TTLL11: variants seen among roughly 807,000 people sequenced by gnomAD.
TTLL11 encodes tubulin tyrosine ligase like 11, also known as tubulin polyglutamylase TTLL11.
TTLL11 carries 42 observed loss-of-function variants against 51.7 expected under a neutral mutation model. The observed-to-expected ratio is 0.81, with a 90% confidence interval of 0.64 to 1.05. The LOEUF is 1.05. TTLL11 is among the 50% of genes least tolerant of loss of function. The pLI is 0.00. For synonymous variants in TTLL11, 381 were observed against 383.5 expected, an observed-to-expected ratio of 0.99 and a Z score of 0.08; for missense variants, 799 against 940.4, an observed-to-expected ratio of 0.85 and a Z score of 1.97.
chr9:121,982,582 C>T (rs928278278), intron 4 of TTLL11, among the ~76,000 whole-genome samples: 5 of 151,906 alleles, frequency 3.3e-5, no homozygotes, highest in Non-Finnish European at 5.9e-5. Context: ...ATTCTCTGGG[C>T]GTGGTGGCGG....
chr9:121,981,981 G>C (rs1842839414), intron 4 of TTLL11, among the ~76,000 whole-genome samples: 1 of 152,002 alleles, frequency 6.6e-6, no homozygotes, highest in Non-Finnish European at 1.5e-5. Context: ...GCATGGCCTA[G>C]GACTCAGCAG....
chr9:122,065,201 A>G (rs1160286379), intron 1 of TTLL11, among the ~76,000 whole-genome samples: 1 of 152,246 alleles, frequency 6.6e-6, no homozygotes, highest in Non-Finnish European at 1.5e-5. Flanking sequence ...TTATGGCTCC[A>G]GGAAACCTAA....
intron 8 of TTLL11, among the ~76,000 whole-genome samples, chr9:121,826,539 A>G (rs183949142): frequency 0.083 from 4,358 of 52,222 alleles, 588 homozygotes; most frequent in African/African-American, 0.31. Context: ...GTGTGTGTGT[A>G]TATATATATA....
intron 8 of TTLL11, among the ~76,000 whole-genome samples, chr9:121,828,809 C>T (rs374516108): frequency 4.3e-4 from 65 of 152,034 alleles, no homozygotes; most frequent in Middle Eastern, 3.4e-3. Context: ...ATACCTAAAA[C>T]CTTACAGAGG....
chr9:121,917,609 GAGGGAGGGAAGGGGAGGGA>G (rs1840385034), intron 6 of TTLL11, among the ~76,000 whole-genome samples: 1 of 142,856 alleles, frequency 7.0e-6, no homozygotes, highest in African/African-American at 2.6e-5. Context: ...AGAAGGAAGG[GAGGGAGGGAAGGGGAGGGA>G]AGGGAGGGAA....
intron 6 of TTLL11, among the ~76,000 whole-genome samples, chr9:121,893,919 G>A (rs1429325696): frequency 1.3e-5 from 2 of 152,190 alleles, no homozygotes; most frequent in African/African-American, 2.4e-5. Context: ...TGAGAAAAAT[G>A]TAAGTATCAT....
At chr9:122,041,388 C>T (rs1225174855) in intron 1 of TTLL11, among the ~76,000 whole-genome samples, 2 of 152,172 alleles carry the variant, frequency 1.3e-5, no homozygotes, top group Non-Finnish European at 2.9e-5. Flanking sequence ...AAGATGCCCA[C>T]TTTTATTTTA....
At chr9:122,002,364 G>C (rs570968438) in intron 3 of TTLL11, among the ~76,000 whole-genome samples, 5 of 152,118 alleles carry the variant, frequency 3.3e-5, no homozygotes, top group African/African-American at 1.2e-4. Flanking sequence ...CGACCACAAC[G>C]GTCTTAGGAC....
intron 6 of TTLL11, among the ~76,000 whole-genome samples, chr9:121,891,293 T>C (rs1163370468): frequency 1.3e-5 from 2 of 152,172 alleles, no homozygotes; most frequent in Non-Finnish European, 2.9e-5. Context: ...TGCTTCAACC[T>C]GAAACAATGG....
intron 8 of TTLL11, 40 bp downstream of exon 8, chr9:121,860,297 A>G: frequency 2.7e-6 from 4 of 1,467,736 alleles, no homozygotes; most frequent in Non-Finnish European, 2.8e-6. Context: ...CATGCCTGTC[A>G]GGACCCCCAC....
At chr9:122,078,328 G>A (rs1845911846) in intron 1 of TTLL11, among the ~76,000 whole-genome samples, 1 of 152,116 alleles carries the variant, frequency 6.6e-6, no homozygotes, top group African/African-American at 2.4e-5. Flanking sequence ...CCCAAGGAAG[G>A]GGACTTAGCC....
At chr9:121,956,985 A>G (rs987926766) in intron 6 of TTLL11, among the ~76,000 whole-genome samples, 1 of 152,130 alleles carries the variant, frequency 6.6e-6, no homozygotes, top group South Asian at 2.1e-4. Flanking sequence ...GCCCCAGAAG[A>G]AGGGGAGTCT....
intron 7 of TTLL11, among the ~76,000 whole-genome samples, chr9:121,862,666 C>T (rs1208658810): frequency 2.0e-5 from 3 of 152,206 alleles, no homozygotes; most frequent in East Asian, 1.9e-4. Flanking sequence ...TGGACAGGAT[C>T]GTGCTGGGAG....
intron 8 of TTLL11, among the ~76,000 whole-genome samples, chr9:121,839,950 A>G (rs1837301750): frequency 6.6e-6 from 1 of 152,216 alleles, no homozygotes; most frequent in Non-Finnish European, 1.5e-5. Flanking sequence ...AAGACAGAGC[A>G]GTGGGTTTCA....
rs146087337 is a variant in TTLL11, at chr9:121,877,458, T to C, written c.1482-6710A>G. Among the ~76,000 whole-genome samples, 308 of 152,084 alleles carry C rather than the reference T, an allele frequency of 2.0e-3. 4 individuals are homozygous for C. Among genetic ancestry groups the C allele is most frequent in the African/African-American group, 7.2e-3 (297 of 41,492 alleles). Reference sequence around the variant, plus strand: ...CTTCCACAGTGACAAGGAAAGGACTTAACGAGAGAGCTCTGTCTGCCATCC... The same window carrying C: ...CTTCCACAGTGACAAGGAAAGGACTCAACGAGAGAGCTCTGTCTGCCATCC... On this transcript the variant is annotated intron_variant, in intron 6 of 8. Transcript: ENST00000321582.
chr9:121,944,139 AT>A (rs984291325), intron 6 of TTLL11, among the ~76,000 whole-genome samples: 1 of 152,248 alleles, frequency 6.6e-6, no homozygotes, highest in Non-Finnish European at 1.5e-5. Context: ...TGCACCATGA[AT>A]AATCATTGAA....
intron 1 of TTLL11, 124 bp downstream of exon 1, chr9:122,092,563 C>G: frequency 1.4e-6 from 2 of 1,450,974 alleles, no homozygotes; most frequent in Non-Finnish European, 1.8e-6. Context: ...CAAGCAGGCC[C>G]GAGCGTGGTG....
At chr9:122,049,581 A>T (rs1418577754) in intron 1 of TTLL11, among the ~76,000 whole-genome samples, 1 of 152,224 alleles carries the variant, frequency 6.6e-6, no homozygotes, top group East Asian at 1.9e-4. Context: ...CCCAGAGTAT[A>T]CACCTGGATG....
At chr9:121,830,881 T>A (rs745958457) in intron 8 of TTLL11, among the ~76,000 whole-genome samples, 1 of 152,154 alleles carries the variant, frequency 6.6e-6, no homozygotes, top group African/African-American at 2.4e-5. Context: ...TGAAGTGACA[T>A]GTCACTGTGG....
Sources: gnomAD v4.1 joint callset for allele counts (sites outside exome capture counted in the v4.1 genomes callset) on GRCh38, gnomAD v4.1.1 for gene constraint, MANE v1.5 for transcripts, NCBI Gene and HGNC (gene_info 2026-07-23, HGNC 2026-07-21) for gene names.